The following KMT2C variants were observed in gnomAD, a reference collection of about 807,000 sequenced individuals.
KMT2C encodes histone-lysine N-methyltransferase 2C.
In KMT2C, 88 loss-of-function variants were observed where a neutral mutation model predicts 507.9. The observed-to-expected ratio is 0.17, with a 90% CI of 0.15 to 0.21. The LOEUF is 0.21. Among genes scored for constraint, KMT2C ranks in the 10% least tolerant of loss-of-function variants. The pLI is 1.00. For synonymous variants in KMT2C, 2,049 were observed against 2,080.8 expected, an observed-to-expected ratio of 0.98 and a Z score of 0.42; for missense variants, 4,954 against 5,957.8, an observed-to-expected ratio of 0.83 and a Z score of 5.55.
intron 23 of KMT2C, among the ~76,000 whole-genome samples, chr7:152,218,943 A>C (rs866404262): frequency 1.3e-5 from 2 of 148,462 alleles, no homozygotes; most frequent in Non-Finnish European, 3.0e-5. Flanking sequence ...GTTCATATGG[A>C]CCCTAAACAC....
At chr7:152,356,995 AGGTG>A (rs1253605285) in intron 2 of KMT2C, among the ~76,000 whole-genome samples, 1 of 151,708 alleles carries the variant, frequency 6.6e-6, no homozygotes, top group Non-Finnish European at 1.5e-5. Context: ...GCACTTTGGG[AGGTG>A]GGTGGATCAC....
Position 152,230,422 on chromosome 7 carries a change from G to A in KMT2C, c.2770-101C>T, listed in dbSNP as rs542494120. The stretch of plus-strand genomic sequence containing the variant: ...AATTCATAATCAAAACATATATTTT[G>A]GCTAAGGTCTAGAATAACAATTCCA... On this transcript the variant is annotated intron_variant, in intron 16 of 58. Coordinates refer to ENST00000262189, the MANE Select transcript of KMT2C (RefSeq NM_170606.3). 542 of 543,996 alleles carry A rather than the reference G, an allele frequency of 1.0e-3. 6 individuals are homozygous for A. The East Asian group carries it at 0.016, about 16-fold the overall frequency. The allele number at this position is 543,996 out of a possible 1,614,324, so 33.7% of individuals were successfully genotyped here. A position where few individuals can be genotyped will look rare whatever the true frequency, so the allele number is the denominator to read the frequency against.
At chr7:152,262,129 G>A (rs1379343835) in intron 9 of KMT2C, among the ~76,000 whole-genome samples, 1 of 152,172 alleles carries the variant, frequency 6.6e-6, no homozygotes, top group Non-Finnish European at 1.5e-5. Flanking sequence ...GAATCTCCCT[G>A]CGTCTGCTCC....
chr7:152,253,053 C>T (rs2095586025), intron 9 of KMT2C, among the ~76,000 whole-genome samples: 1 of 152,006 alleles, frequency 6.6e-6, no homozygotes, highest in Non-Finnish European at 1.5e-5. Context: ...CAGGGTTTCA[C>T]CATGTTGGCC....
At position 152,177,261 on chromosome 7, in the gene KMT2C, T is replaced by A. The variant is rs2129114503; in HGVS notation, c.8192A>T (p.Glu2731Val). Reference protein sequence around the residue: ...NLDTEDGKVVELDTLDNLETN... With the variant: ...NLDTEDGKVVVLDTLDNLETN... ...TTCCAAATTATCTAAAGTATCCAAT[T>A]CAACTACCTTGCCATCCTCTGTATC... is the stretch of plus-strand genomic sequence containing the variant. Residue 2731 changes from glutamate (E) to valine (V), a missense_variant, in exon 38 of 59, where the codon GAA becomes GTA. Around this residue, in one of 29 missense-constraint regions of KMT2C, gnomAD observed 1,689 missense variants for 1,654.3 expected, o/e 1.02. Coordinates refer to ENST00000262189, the MANE Select transcript of KMT2C (RefSeq NM_170606.3). 6.2e-7 allele frequency: 1 copy of A among 1,613,892 alleles called. No homozygotes were observed. Among genetic ancestry groups the A allele is most frequent in the Non-Finnish European group, 8.5e-7 (1 of 1,179,986 alleles).
chr7:152,223,067 A>G (rs2094823644), intron 20 of KMT2C, among the ~76,000 whole-genome samples: 1 of 152,218 alleles, frequency 6.6e-6, no homozygotes, highest in Non-Finnish European at 1.5e-5. Flanking sequence ...TGAAGTAGAC[A>G]TATCTCACGG....
At position 152,152,898 on chromosome 7, in the gene KMT2C, G is replaced by A. The variant is rs2091751457; in HGVS notation, c.12333C>T (p.Asn4111=). The A allele has an allele frequency of 6.2e-7, 1 of 1,614,178 alleles. No individual in the cohort carries two copies. Among genetic ancestry groups the A allele is most frequent in the African/African-American group, 1.3e-5 (1 of 75,026 alleles). ...CTGGAGCACTGCTAACCTCATAGCT[G>A]TTAGGGATTCGGACGTGAAGAAGGT... ...FSDLLHVRIP[N]SYEVSSAPDV... Residue 4111 remains asparagine, a synonymous_variant, in exon 49 of 59, where the codon AAC becomes AAT. Transcript: ENST00000262189.
chr7:152,219,513 A>C (rs891339244), intron 23 of KMT2C, among the ~76,000 whole-genome samples: 23 of 152,028 alleles, frequency 1.5e-4, no homozygotes, highest in African/African-American at 5.6e-4. Flanking sequence ...TGAGAGGCTG[A>C]GGCAGAAGGA....
Position 152,195,628 on chromosome 7 carries a change from A to G in KMT2C, c.4378+279T>C, listed in dbSNP as rs1020899977. On this transcript the variant is annotated intron_variant, in intron 28 of 58. Coordinates refer to ENST00000262189, the MANE Select transcript of KMT2C (RefSeq NM_170606.3). ...ACCACAGGAGCAGGAAGTGAGGGAA[A>G]ATACAAACAAAAGAAGAAAAAAGAT... 19 of 775,188 alleles carry G rather than the reference A, an allele frequency of 2.5e-5. 1 individual carries two copies. In the South Asian group the frequency reaches 8.9e-4, roughly 36 times the overall value. 48.0% of individuals were successfully genotyped at this position (775,188 alleles called of 1,614,324 possible). A position where few individuals can be genotyped will look rare whatever the true frequency, so the allele number is the denominator to read the frequency against.
Position 152,435,837 on chromosome 7 carries a change from CCCGCCG to C in KMT2C, c.-57_-52del. The C allele has an allele frequency of 7.3e-7, 1 of 1,378,870 alleles. No individual in the cohort carries two copies. The highest frequency in any genetic ancestry group is 9.4e-7 in the Non-Finnish European group (1 of 1,064,614). 85.4% of individuals were successfully genotyped at this position (1,378,870 alleles called of 1,614,324 possible). On this transcript the variant is annotated 5_prime_UTR_variant, in exon 1 of 59. Transcript: ENST00000262189. ...ATCCCGGTCCTCCTCCTGGGGGGCT[CCCGCCG>C]CCGCGGCCGCCGCCGCCGCCGCTGC...
At chr7:152,418,649 C>G (rs892927211) in intron 1 of KMT2C, among the ~76,000 whole-genome samples, 1 of 151,978 alleles carries the variant, frequency 6.6e-6, no homozygotes, top group African/African-American at 2.4e-5. Context: ...CCAGGCTGGT[C>G]TCGAACTCCT....
rs371433674 is a variant in KMT2C at position 152,248,577 on chromosome 7, A to C, written c.1857T>G (p.Ile619Met). 4.3e-6 allele frequency: 7 copies of C among 1,613,422 alleles called. No individual in the cohort carries two copies. The African/African-American group carries it at 8.0e-5, about 18-fold the overall frequency. Residue 619 changes from isoleucine to methionine, a missense_variant, in exon 14 of 59, where the codon ATT becomes ATG. By Grantham distance (10) the Ile-to-Met change is conservative. This residue lies in a region of KMT2C where 376 missense variants were observed against 352.4 expected (regional missense o/e 1.07). Transcript: ENST00000262189. ...HTVNTELEKQ[I>M]SNEVDSEDLK... Reference sequence around the variant, plus strand: ...GGTCTTCACTATCAACTTCATTAGAAATCTGTTTTTCCAATTCAGTATTCA... The same window carrying C: ...GGTCTTCACTATCAACTTCATTAGACATCTGTTTTTCCAATTCAGTATTCA...
chr7:152,199,983 T>C (rs1020152963), intron 26 of KMT2C, among the ~76,000 whole-genome samples: 1 of 152,178 alleles, frequency 6.6e-6, no homozygotes. Context: ...TATTTAGGCA[T>C]ATTAACATTT....
intron 6 of KMT2C, among the ~76,000 whole-genome samples, chr7:152,303,198 C>A (rs1160020252): frequency 6.6e-6 from 1 of 152,130 alleles, no homozygotes; most frequent in East Asian, 1.9e-4. Flanking sequence ...AGGTATGTTT[C>A]AGAGAAAACA....
Position 152,139,196 on chromosome 7 carries a change from C to G in KMT2C, c.14524G>C (p.Gly4842Arg). The G allele has an allele frequency of 6.2e-7, 1 of 1,614,056 alleles. No individual in the cohort carries two copies. Among genetic ancestry groups the G allele is most frequent in the Non-Finnish European group, 8.5e-7 (1 of 1,180,010 alleles). The change falls in exon 57 of 59, where the codon GGG (glycine) becomes CGG (arginine). Residue 4842 changes from glycine to arginine, a missense_variant. Around this residue, in one of 29 missense-constraint regions of KMT2C, gnomAD observed 133 missense variants for 258.9 expected, o/e 0.51. Coordinates refer to ENST00000262189, the MANE Select transcript of KMT2C (RefSeq NM_170606.3). The stretch of plus-strand genomic sequence containing the variant: ...TCCTCGCTGTCTCACCTTGCGGGCC[C>G]TCCTGTGAGCGTCGCGTCAATCACA... ...DHVIDATLTG[G>R]PARYINHSCA...
At chr7:152,352,273 G>A (rs777397990) in intron 2 of KMT2C, among the ~76,000 whole-genome samples, 1 of 152,132 alleles carries the variant, frequency 6.6e-6, no homozygotes, top group African/African-American at 2.4e-5. Flanking sequence ...CAGACCAGTT[G>A]TCTGCTCTCA....
chr7:152,435,008 G>A (rs2097903163), intron 1 of KMT2C, among the ~76,000 whole-genome samples: 1 of 152,140 alleles, frequency 6.6e-6, no homozygotes, highest in Non-Finnish European at 1.5e-5. Flanking sequence ...GTGCGGTGCT[G>A]GGTGTTGGGG....
intron 23 of KMT2C, among the ~76,000 whole-genome samples, chr7:152,216,884 C>T (rs1489434498): frequency 3.9e-5 from 6 of 152,204 alleles, no homozygotes; most frequent in African/African-American, 9.6e-5. Context: ...ATTCTAATAG[C>T]TCACGGTTAC....
chr7:152,417,048 CAAAAAAAAAA>C (rs34690030), intron 1 of KMT2C, among the ~76,000 whole-genome samples: 3 of 67,344 alleles, frequency 4.5e-5, no homozygotes, highest in African/African-American at 8.4e-5. Context: ...GACATCATCT[CAAAAAAAAAA>C]AAAAAAAAAA....
Sources: allele counts gnomAD v4.1 joint callset (sites outside exome capture counted in the v4.1 genomes callset), GRCh38; gene constraint gnomAD v4.1.1; regional missense constraint gnomAD v4.1.1; transcripts MANE v1.5; gene names NCBI Gene and HGNC (gene_info 2026-07-23, HGNC 2026-07-21).